The following CFAP96 variants were observed in gnomAD, a reference collection of about 807,000 sequenced individuals.
The protein encoded by CFAP96 is cilia-and flagella-associated protein 96.
chr4:185,425,953 C>T, the CFAP96 span: 2 of 1,513,874 alleles, frequency 1.3e-6, no homozygotes, highest in African/African-American at 2.7e-5. Flanking sequence ...CCGCACGGCC[C>T]AGGGGCGGGG....
the CFAP96 span, among the ~76,000 whole-genome samples, chr4:185,438,964 A>G: frequency 6.6e-6 from 1 of 152,176 alleles, no homozygotes; most frequent in East Asian, 1.9e-4. Flanking sequence ...CTTGGCTTTG[A>G]ATAGTTTTCT....
chr4:185,423,411 G>C, the CFAP96 span, among the ~76,000 whole-genome samples: 1 of 152,202 alleles, frequency 6.6e-6, no homozygotes, highest in Non-Finnish European at 1.5e-5. Context: ...GAATCCTTCA[G>C]AGAATATGGC....
At chr4:185,416,410 T>A in the CFAP96 span, among the ~76,000 whole-genome samples, 1 of 152,292 alleles carries the variant, frequency 6.6e-6, no homozygotes, top group Admixed American at 6.5e-5. Context: ...ATAACTATAA[T>A]CAAATACTGA....
the CFAP96 span, chr4:185,445,504 A>G: frequency 6.3e-7 from 1 of 1,576,286 alleles, no homozygotes; most frequent in Non-Finnish European, 8.7e-7. Flanking sequence ...GAGGAATCCT[A>G]ATGATGCTTG....
At chr4:185,446,498 T>C in the CFAP96 span, among the ~76,000 whole-genome samples, 54 of 152,170 alleles carry the variant, frequency 3.5e-4, no homozygotes, top group Non-Finnish European at 7.2e-4. Flanking sequence ...AACATCCATT[T>C]AGAGCTTCAA....
At chr4:185,434,143 CG>C in the CFAP96 span, among the ~76,000 whole-genome samples, 1 of 151,836 alleles carries the variant, frequency 6.6e-6, no homozygotes, top group African/African-American at 2.4e-5. Flanking sequence ...ACACTTGAGC[CG>C]GGAGTTTGAG....
the CFAP96 span, chr4:185,415,250 C>G: frequency 3.1e-6 from 5 of 1,604,238 alleles, no homozygotes; most frequent in South Asian, 5.6e-5. Flanking sequence ...TGCAGTGGTT[C>G]AGGGACCACA....
chr4:185,443,338 A>ATTTTT, the CFAP96 span, among the ~76,000 whole-genome samples: 3 of 32,102 alleles, frequency 9.3e-5, no homozygotes, highest in African/African-American at 2.8e-4. Context: ...ATATATATAT[A>ATTTTT]TATATTTTTT....
At chr4:185,437,697 T>C in the CFAP96 span, among the ~76,000 whole-genome samples, 4 of 152,170 alleles carry the variant, frequency 2.6e-5, no homozygotes, top group South Asian at 4.1e-4. Context: ...CTACATACAG[T>C]GGAGTTTTAT....
the CFAP96 span, among the ~76,000 whole-genome samples, chr4:185,409,080 C>T: frequency 2.6e-5 from 4 of 152,044 alleles, no homozygotes; most frequent in South Asian, 2.1e-4. Flanking sequence ...TTCTACAACA[C>T]GCCTGGCACA....
the CFAP96 span, among the ~76,000 whole-genome samples, chr4:185,443,342 A>ATATTTTT: frequency 4.9e-4 from 13 of 26,724 alleles, no homozygotes; most frequent in East Asian, 1.5e-3. Context: ...ATATATATAT[A>ATATTTTT]TTTTTTTTTT....
At chr4:185,447,631 A>G in the CFAP96 span, among the ~76,000 whole-genome samples, 2 of 151,710 alleles carry the variant, frequency 1.3e-5, no homozygotes, top group Non-Finnish European at 2.9e-5. Flanking sequence ...CTCCAATACT[A>G]TGACATCTGT....
chr4:185,437,610 A>G, the CFAP96 span, among the ~76,000 whole-genome samples: 22 of 152,354 alleles, frequency 1.4e-4, no homozygotes, highest in African/African-American at 5.0e-4. Context: ...TAAATTGGGC[A>G]GAAACCTTGG....
chr4:185,436,494 G>A, the CFAP96 span: 1,496 of 586,466 alleles, frequency 2.6e-3, 9 homozygotes, highest in African/African-American at 0.023. Flanking sequence ...GGCGGATCAC[G>A]AGGTCAGGAG....
At chr4:185,415,801 T>A in the CFAP96 span, 4 of 1,613,826 alleles carry the variant, frequency 2.5e-6, no homozygotes, top group Non-Finnish European at 3.4e-6. Flanking sequence ...TCCCTTTCAA[T>A]GATGGGCGTT....
At chr4:185,419,257 G>C in the CFAP96 span, among the ~76,000 whole-genome samples, 1 of 151,768 alleles carries the variant, frequency 6.6e-6, no homozygotes, top group Admixed American at 6.6e-5. Flanking sequence ...TCAGCCTCCC[G>C]AGTAGCTGGG....
At chr4:185,431,466 A>G in the CFAP96 span, among the ~76,000 whole-genome samples, 2 of 152,222 alleles carry the variant, frequency 1.3e-5, no homozygotes, top group Non-Finnish European at 2.9e-5. Flanking sequence ...CATTTGGGCT[A>G]TTTTATGTTT....
the CFAP96 span, chr4:185,445,378 A>T: frequency 1.2e-6 from 1 of 816,738 alleles, no homozygotes; most frequent in Non-Finnish European, 2.0e-6. Context: ...CATAATTTTT[A>T]AAGCAAATAT....
the CFAP96 span, among the ~76,000 whole-genome samples, chr4:185,426,812 A>G: frequency 1.4e-5 from 2 of 145,858 alleles, no homozygotes; most frequent in South Asian, 4.4e-4. Context: ...CAGACGCATC[A>G]CCTGCGCTCA....
Sources: allele counts gnomAD v4.1 joint callset (sites outside exome capture counted in the v4.1 genomes callset), GRCh38; gene constraint gnomAD v4.1.1; transcripts MANE v1.5; gene names NCBI Gene and HGNC (gene_info 2026-07-23, HGNC 2026-07-21).